The following SEPTIN9 variants were observed in gnomAD, a reference collection of about 807,000 sequenced individuals.
SEPTIN9 encodes the protein septin-9.
Under a neutral mutation model 56.6 loss-of-function variants are expected in SEPTIN9, and 13 were observed. The observed-to-expected ratio is 0.23, with a 90% CI of 0.15 to 0.37. SEPTIN9 has a LOEUF of 0.37. Ranked by LOEUF, SEPTIN9 falls within the 10% of genes least tolerant of loss-of-function variation. The pLI, the probability that SEPTIN9 is intolerant of heterozygous loss-of-function variation, is 1.00. For missense variants in SEPTIN9, 650 were observed against 823.1 expected, an observed-to-expected ratio of 0.79 and a Z score of 2.57; for synonymous variants, 332 against 334.1, an observed-to-expected ratio of 0.99 and a Z score of 0.07.
chr17:77,426,570 A>G (rs2036920705), intron 3 of SEPTIN9, among the ~76,000 whole-genome samples: 1 of 152,146 alleles, frequency 6.6e-6, no homozygotes, highest in African/African-American at 2.4e-5. Flanking sequence ...TGCTCCTGGA[A>G]CATGAGGGCT....
At chr17:77,486,584 G>C (rs2039802732) in intron 4 of SEPTIN9, among the ~76,000 whole-genome samples, 1 of 151,604 alleles carries the variant, frequency 6.6e-6, no homozygotes, top group African/African-American at 2.4e-5. Flanking sequence ...TTGTGTGTGA[G>C]GTATGTGTAA....
chr17:77,289,053 G>A (rs1377641511), intron 1 of SEPTIN9, among the ~76,000 whole-genome samples: 7 of 152,146 alleles, frequency 4.6e-5, no homozygotes, highest in South Asian at 4.1e-4. Context: ...TTTAACTGCC[G>A]GGACTTTGTA....
intron 3 of SEPTIN9, among the ~76,000 whole-genome samples, chr17:77,420,461 C>A (rs1797633320): frequency 6.6e-6 from 1 of 152,176 alleles, no homozygotes; most frequent in South Asian, 2.1e-4. Flanking sequence ...CCTGGGCAGT[C>A]CCCCACTTGT....
chr17:77,306,670 C>T lies in SEPTIN9; in HGVS notation c.20-471C>T, dbSNP rs577846847. On this transcript the variant is annotated intron_variant, in intron 1 of 11. Coordinates refer to ENST00000427177, the MANE Select transcript of SEPTIN9 (RefSeq NM_001113491.2). ...TGAAGGGGGCTGGGTCAGGACTGCC[C>T]GTGAGTTGTAGACCCTGGTGTAGGG... 2.2e-4 allele frequency among the ~76,000 whole-genome samples: 33 copies of T among 152,358 alleles called. No individual in the cohort carries two copies. The South Asian group carries it at 3.5e-3, about 16-fold the overall frequency.
rs140512837 is a variant in SEPTIN9 at position 77,463,672 on chromosome 17, A to T, written c.722-18472A>T. 3.4e-3 allele frequency among the ~76,000 whole-genome samples: 519 copies of T among 152,028 alleles called. 3 individuals are homozygous for T. Among genetic ancestry groups the T allele is most frequent in the African/African-American group, 0.012 (490 of 41,452 alleles). On this transcript the variant is annotated intron_variant, in intron 3 of 11. Coordinates refer to ENST00000427177, the MANE Select transcript of SEPTIN9 (RefSeq NM_001113491.2). ...AGCCTGGCCAACATGGTGAAATCCC[A>T]TCTCTACTAAAAATACAAAAATTAG...
intron 3 of SEPTIN9, among the ~76,000 whole-genome samples, chr17:77,447,681 G>A (rs2037793967): frequency 6.6e-6 from 1 of 152,256 alleles, no homozygotes; most frequent in South Asian, 2.1e-4. Flanking sequence ...CTGGAGTGCA[G>A]TGGCGTGATC....
chr17:77,484,795 GATGTGGGTGGTGGTGGTGATT>G (rs2039640589), intron 4 of SEPTIN9, among the ~76,000 whole-genome samples: 1 of 108,542 alleles, frequency 9.2e-6, no homozygotes, highest in Non-Finnish European at 1.8e-5. Context: ...TGATGGTGGT[GATGTGGGTGGTGGTGGTGATT>G]GTGATGGTGG....
At chr17:77,394,155 A>G (rs12600356) in intron 2 of SEPTIN9, among the ~76,000 whole-genome samples, 8,552 of 152,016 alleles carry the variant, frequency 0.056, 630 homozygotes, top group East Asian at 0.17. Flanking sequence ...ACTGGACCCC[A>G]CTCTGCCAGC....
Position 77,369,306 on chromosome 17 carries a change from T to G in SEPTIN9, c.77-32753T>G, listed in dbSNP as rs2034653579. 6.6e-6 allele frequency among the ~76,000 whole-genome samples: 1 copy of G among 152,130 alleles called. No homozygotes were observed. The highest frequency in any genetic ancestry group is 2.4e-5 in the African/African-American group (1 of 41,422). On this transcript the variant is annotated intron_variant, in intron 2 of 11. Coordinates refer to ENST00000427177, the MANE Select transcript of SEPTIN9 (RefSeq NM_001113491.2). This position sits in a 1 kb window ranked among gnomAD's most constrained non-coding sequence, Gnocchi z 4.9. ...CACAGGAATAGGCAAGCGCTACAAA[T>G]CGGGAAACTGAGTGTTGTTGCTTTT...
At chr17:77,432,821 G>T (rs568207857) in intron 3 of SEPTIN9, among the ~76,000 whole-genome samples, 1 of 152,368 alleles carries the variant, frequency 6.6e-6, no homozygotes, top group Non-Finnish European at 1.5e-5. Flanking sequence ...GGGGACCACC[G>T]CGGCGGCTGA....
chr17:77,288,411 G>A (rs1053175066), intron 1 of SEPTIN9, among the ~76,000 whole-genome samples: 1 of 152,262 alleles, frequency 6.6e-6, no homozygotes, highest in Non-Finnish European at 1.5e-5. Context: ...GGCAGCGGCT[G>A]AGATGGGAGC....
chr17:77,371,719 C>T lies in SEPTIN9; in HGVS notation c.77-30340C>T, dbSNP rs943579687. Among the ~76,000 whole-genome samples the T allele has an allele frequency of 5.3e-5, 8 of 152,302 alleles. No homozygotes were observed. Among genetic ancestry groups the T allele is most frequent in the African/African-American group, 1.7e-4 (7 of 41,550 alleles). On this transcript the variant is annotated intron_variant, in intron 2 of 11. Transcript: ENST00000427177. The surrounding 1 kb of genome is among the most constrained non-coding windows in gnomAD (Gnocchi z 4.1). ...GGGGTGCTATTAATGGCAGCAATGG[C>T]TGCATTTCTGAAACCCGGGCTCCCA... is the stretch of plus-strand genomic sequence containing the variant.
chr17:77,398,420 G>C (rs2035794149), intron 2 of SEPTIN9, among the ~76,000 whole-genome samples: 1 of 152,212 alleles, frequency 6.6e-6, no homozygotes, highest in African/African-American at 2.4e-5. Context: ...ACATGGGGAG[G>C]GGGTGGTGTG....
chr17:77,430,223 T>C (rs2037075443), intron 3 of SEPTIN9, among the ~76,000 whole-genome samples: 1 of 152,162 alleles, frequency 6.6e-6, no homozygotes. Flanking sequence ...ATCCCCAGCT[T>C]TCTCTGCCCG....
intron 1 of SEPTIN9, among the ~76,000 whole-genome samples, chr17:77,296,836 A>G (rs908163323): frequency 2.0e-5 from 3 of 152,168 alleles, no homozygotes; most frequent in African/African-American, 7.2e-5. Context: ...CTAGGCGACA[A>G]AGTGAGACTC....
chr17:77,450,250 G>T lies in SEPTIN9; in HGVS notation c.722-31894G>T, dbSNP rs954839482. Reference sequence around the variant, plus strand: ...GGCTGGCCTGTTTGGCCAGTGTGGCGGGTGCCCCGGGGCTTCAGTCACCCC... The same window carrying T: ...GGCTGGCCTGTTTGGCCAGTGTGGCTGGTGCCCCGGGGCTTCAGTCACCCC... On this transcript the variant is annotated intron_variant, in intron 3 of 11. Transcript: ENST00000427177. This position sits in a 1 kb window ranked among gnomAD's most constrained non-coding sequence, Gnocchi z 6.0. 2.6e-5 allele frequency among the ~76,000 whole-genome samples: 4 copies of T among 152,092 alleles called. No homozygotes were observed. The highest frequency in any genetic ancestry group is 2.6e-4 in the Admixed American group (4 of 15,280).
intron 2 of SEPTIN9, among the ~76,000 whole-genome samples, chr17:77,391,285 T>G (rs982127605): frequency 6.6e-6 from 1 of 152,204 alleles, no homozygotes; most frequent in African/African-American, 2.4e-5. Flanking sequence ...TTCTGTGTTC[T>G]GTTCCTGGGG....
chr17:77,373,055 C>T, intron 2 of SEPTIN9: 1 of 373,864 alleles, frequency 2.7e-6, no homozygotes, highest in Non-Finnish European at 3.8e-6. Flanking sequence ...CACATCTGGC[C>T]GCAGCGGGGC....
rs1013425587 is a variant in SEPTIN9, at chr17:77,371,830, A to G, written c.77-30229A>G. Among the ~76,000 whole-genome samples, 25 of 152,216 alleles carry G rather than the reference A, an allele frequency of 1.6e-4. No individual in the cohort carries two copies. Among genetic ancestry groups the G allele is most frequent in the African/African-American group, 5.8e-4 (24 of 41,460 alleles). On this transcript the variant is annotated intron_variant, in intron 2 of 11. Transcript: ENST00000427177. This position sits in a 1 kb window ranked among gnomAD's most constrained non-coding sequence, Gnocchi z 4.1. ...AACTCACTTGGTTGAAAATAGTTCA[A>G]AATATCCAAAGCATGAGGGAGGGAG...
Sources: gnomAD v4.1 joint callset for allele counts (sites outside exome capture counted in the v4.1 genomes callset) on GRCh38, gnomAD v4.1.1 for gene constraint, Gnocchi (gnomAD v3.1) non-coding constraint, MANE v1.5 for transcripts, NCBI Gene and HGNC (gene_info 2026-07-23, HGNC 2026-07-21) for gene names.